Variants in HPSE2 observed in about 807,000 individuals in gnomAD.
The protein encoded by HPSE2 is heparanase 2 (inactive).
HPSE2 carries 38 observed loss-of-function variants against 60.5 expected under a neutral mutation model. The observed-to-expected ratio is 0.63, with a 90% confidence interval of 0.48 to 0.82. The LOEUF (loss-of-function observed/expected upper bound fraction) is 0.82. Ranked by LOEUF, HPSE2 falls within the 40% of genes least tolerant of loss-of-function variation. The probability of loss-of-function intolerance (pLI) is 0.00; values close to 1 mark genes in which losing one functional copy is unlikely to be tolerated. For missense variants in HPSE2, 713 were observed against 740.4 expected (o/e 0.96, Z 0.43); for synonymous variants, 295 against 293.2 (o/e 1.01, Z -0.06).
intron 9 of HPSE2, among the ~76,000 whole-genome samples, chr10:98,505,790 T>C (rs1942180400): frequency 6.6e-6 from 1 of 152,200 alleles, no homozygotes; most frequent in Admixed American, 6.5e-5. Context: ...ATCTCTCCTT[T>C]CTTTAGTGAT....
chr10:98,649,365 T>C (rs1946856728), intron 6 of HPSE2, among the ~76,000 whole-genome samples: 2 of 152,150 alleles, frequency 1.3e-5, no homozygotes, highest in South Asian at 4.1e-4. Flanking sequence ...TCATGAACAC[T>C]CTCTATTTTG....
At chr10:99,239,430 T>G (rs1488176657), upstream of HPSE2, among the ~76,000 whole-genome samples, 3 of 131,702 alleles carry the variant, frequency 2.3e-5, no homozygotes, top group South Asian at 2.7e-4. Context: ...TTTTTTTTTT[T>G]TTTTTTTTTT....
chr10:99,256,482 T>C, the HPSE2 span, among the ~76,000 whole-genome samples: 2 of 148,442 alleles, frequency 1.3e-5, no homozygotes, highest in African/African-American at 5.0e-5. Flanking sequence ...CACACTTCTG[T>C]TCATTATAAA....
intron 3 of HPSE2, among the ~76,000 whole-genome samples, chr10:98,959,358 G>GAAAAAAAAAAAAAAAA (rs540992148): frequency 2.6e-5 from 2 of 77,452 alleles, no homozygotes; most frequent in Non-Finnish European, 2.9e-5. Flanking sequence ...ACTATCTCTG[G>GAAAAAAAAAAAAAAAA]AAAAAAAAAA....
chr10:98,734,679 T>C (rs989615274), intron 4 of HPSE2, among the ~76,000 whole-genome samples: 12 of 152,286 alleles, frequency 7.9e-5, no homozygotes, highest in Middle Eastern at 3.4e-3. Flanking sequence ...AAATATTTTG[T>C]CCAAAATATT....
the HPSE2 span, among the ~76,000 whole-genome samples, chr10:99,276,253 C>A: frequency 6.6e-6 from 1 of 152,182 alleles, no homozygotes; most frequent in Admixed American, 6.5e-5. Flanking sequence ...ATACTCGGTG[C>A]TTCATATACA....
chr10:98,609,960 G>A (rs972871109), intron 9 of HPSE2, among the ~76,000 whole-genome samples: 1 of 151,008 alleles, frequency 6.6e-6, no homozygotes, highest in South Asian at 2.1e-4. Context: ...TCCTGCCTCA[G>A]CCTCTCGAGC....
At chr10:99,039,479 A>G (rs1234449767) in intron 3 of HPSE2, among the ~76,000 whole-genome samples, 1 of 151,530 alleles carries the variant, frequency 6.6e-6, no homozygotes, top group Non-Finnish European at 1.5e-5. Context: ...AAAGTCCTTT[A>G]AAAATGAAGA....
chr10:99,249,422 C>T, the HPSE2 span, among the ~76,000 whole-genome samples: 1 of 152,340 alleles, frequency 6.6e-6, no homozygotes, highest in East Asian at 1.9e-4. Context: ...GGGCCTGCAG[C>T]CCCTCTCTTT....
chr10:99,010,587 G>A (rs1384679491), intron 3 of HPSE2, among the ~76,000 whole-genome samples: 1 of 152,140 alleles, frequency 6.6e-6, no homozygotes, highest in Non-Finnish European at 1.5e-5. Context: ...TGGTATGAGA[G>A]GCCAACCTAT....
At chr10:99,018,641 G>A (rs947277656) in intron 3 of HPSE2, among the ~76,000 whole-genome samples, 2 of 152,102 alleles carry the variant, frequency 1.3e-5, no homozygotes, top group Non-Finnish European at 2.9e-5. Flanking sequence ...CCAAAATTAA[G>A]GGCCAAATTA....
At chr10:98,995,590 T>C (rs1775411484) in intron 3 of HPSE2, among the ~76,000 whole-genome samples, 4 of 152,178 alleles carry the variant, frequency 2.6e-5, no homozygotes, top group Admixed American at 2.6e-4. Flanking sequence ...AGGAACCCTA[T>C]TATACTTCCC....
At chr10:98,713,421 C>A (rs887932872) in intron 5 of HPSE2, among the ~76,000 whole-genome samples, 2 of 151,952 alleles carry the variant, frequency 1.3e-5, no homozygotes, top group African/African-American at 4.8e-5. Context: ...TCCAGGTTCT[C>A]TGAATCCTCC....
chr10:98,537,032 T>G (rs1479837539), intron 9 of HPSE2, among the ~76,000 whole-genome samples: 1 of 152,210 alleles, frequency 6.6e-6, no homozygotes, highest in East Asian at 1.9e-4. Context: ...CTGTGTTTTA[T>G]AAAATATTTT....
At chr10:98,740,183 T>C (rs1949461939) in intron 4 of HPSE2, among the ~76,000 whole-genome samples, 1 of 136,138 alleles carries the variant, frequency 7.3e-6, no homozygotes, top group South Asian at 2.2e-4. Flanking sequence ...CTTTTGTCTT[T>C]TTTTTTTTTT....
At chr10:99,127,957 C>T (rs1845226386) in intron 3 of HPSE2, among the ~76,000 whole-genome samples, 1 of 152,170 alleles carries the variant, frequency 6.6e-6, no homozygotes, top group African/African-American at 2.4e-5. Flanking sequence ...TTCACCACTA[C>T]CAAGCCAGCA....
chr10:99,204,248 A>C (rs1475894671), intron 2 of HPSE2, among the ~76,000 whole-genome samples: 1 of 151,916 alleles, frequency 6.6e-6, no homozygotes, highest in Non-Finnish European at 1.5e-5. Flanking sequence ...ACCCCAGTAG[A>C]TCCAGGCTCC....
At chr10:99,162,404 G>A (rs1412369203) in intron 2 of HPSE2, among the ~76,000 whole-genome samples, 1 of 152,178 alleles carries the variant, frequency 6.6e-6, no homozygotes, top group African/African-American at 2.4e-5. Context: ...GTATGCTGCT[G>A]TTACAGTGCT....
intron 2 of HPSE2, among the ~76,000 whole-genome samples, chr10:99,222,157 T>C (rs17111294): frequency 0.02 from 3,092 of 152,078 alleles, 113 homozygotes; most frequent in East Asian, 0.16. Flanking sequence ...TGAAGCTGAC[T>C]TGGTAGAGGA....
Sources: allele counts gnomAD v4.1 joint callset (sites outside exome capture counted in the v4.1 genomes callset), GRCh38; gene constraint gnomAD v4.1.1; transcripts MANE v1.5; gene names NCBI Gene and HGNC (gene_info 2026-07-23, HGNC 2026-07-21).